PDE8B: variants seen among roughly 807,000 people sequenced by gnomAD.
The protein encoded by PDE8B is phosphodiesterase 8B.
PDE8B carries 26 observed loss-of-function variants against 101.3 expected under a neutral mutation model. The ratio of observed to expected loss-of-function variants is 0.26; its 90% CI spans 0.19 to 0.36. The LOEUF (loss-of-function observed/expected upper bound fraction) is 0.36. Among genes scored for constraint, PDE8B ranks in the 10% least tolerant of loss-of-function variants. The pLI, the probability that PDE8B is intolerant of heterozygous loss-of-function variation, is 1.00. For synonymous variants in PDE8B, 424 were observed against 429.3 expected (o/e 0.99, Z 0.15); for missense variants, 810 against 1,163.1 (o/e 0.70, Z 4.42).
intron 1 of PDE8B, among the ~76,000 whole-genome samples, chr5:77,268,359 C>A (rs1043190050): frequency 5.3e-5 from 8 of 152,012 alleles, no homozygotes; most frequent in Non-Finnish European, 1.2e-4. Context: ...TCACAAACAA[C>A]CCAATTATGT....
At chr5:77,109,504 T>C in the PDE8B span, among the ~76,000 whole-genome samples, 2 of 152,210 alleles carry the variant, frequency 1.3e-5, no homozygotes, top group Non-Finnish European at 2.9e-5. Flanking sequence ...GGCTATGGGA[T>C]CTTTACTAAG....
chr5:77,253,953 A>G (rs1157218688), intron 1 of PDE8B, among the ~76,000 whole-genome samples: 1 of 151,868 alleles, frequency 6.6e-6, no homozygotes, highest in Non-Finnish European at 1.5e-5. Flanking sequence ...TTTATTGAGT[A>G]TTTATAGTTA....
chr5:77,334,072 ATG>A, intron 5 of PDE8B, among the ~76,000 whole-genome samples: 1 of 152,360 alleles, frequency 6.6e-6, no homozygotes, highest in East Asian at 1.9e-4. Flanking sequence ...ACTGATCTTC[ATG>A]TGGTGGTTCT....
At chr5:77,112,575 C>A in the PDE8B span, 1 of 152,004 alleles carries the variant, frequency 6.6e-6, no homozygotes, top group East Asian at 1.9e-4. Context: ...TGATACTGAA[C>A]GGGCAAAAAC....
chr5:77,404,640 T>A (rs1203179689), intron 11 of PDE8B, 80 bp from the exon 12 acceptor site: 15 of 865,966 alleles, frequency 1.7e-5, no homozygotes, highest in Admixed American at 5.3e-5. Context: ...CTTTAGAGAA[T>A]AAAGAAAAAA....
chr5:77,416,747 C>T lies in PDE8B; in HGVS notation c.1912-1482C>T, dbSNP rs547086676. Among the ~76,000 whole-genome samples the T allele has an allele frequency of 2.0e-5, 3 of 152,230 alleles. No individual in the cohort carries two copies. The East Asian group carries it at 5.8e-4, about 29-fold the overall frequency. The stretch of plus-strand genomic sequence containing the variant: ...TGCAGCCCCTTGGCCATCAGGGTGC[C>T]GTTGCAGGACAGGGCTGAGCTACAG... On this transcript the variant is annotated intron_variant, in intron 17 of 21. Transcript: ENST00000264917.
chr5:77,382,765 C>T (rs1787742811), intron 10 of PDE8B, among the ~76,000 whole-genome samples: 1 of 152,142 alleles, frequency 6.6e-6, no homozygotes, highest in Non-Finnish European at 1.5e-5. Context: ...GACATGAACT[C>T]ATCCTTTTTT....
At position 77,421,893 on chromosome 5, in the gene PDE8B, A is replaced by G. The variant is rs1796728332; in HGVS notation, c.2323A>G (p.Met775Val). ...FPENQILIKR[M>V]MIKCADVANP... ...TGAAAACCAAATCCTGATCAAACGC[A>G]TGATGATTAAGTGTGCTGACGTGGC... Residue 775 changes from methionine (M) to valine (V), a missense_variant, in exon 20 of 22, where the codon ATG (methionine) becomes GTG (valine). This residue lies in a region of PDE8B where 325 missense variants were observed against 560.9 expected (regional missense o/e 0.58). Transcript: ENST00000264917. The G allele has an allele frequency of 6.2e-7, 1 of 1,614,148 alleles. No individual in the cohort carries two copies. Among genetic ancestry groups the G allele is most frequent in the Non-Finnish European group, 8.5e-7 (1 of 1,179,998 alleles).
At chr5:77,137,478 G>A in the PDE8B span, among the ~76,000 whole-genome samples, 1 of 152,320 alleles carries the variant, frequency 6.6e-6, no homozygotes, top group Non-Finnish European at 1.5e-5. Context: ...GAGATGCTCT[G>A]GCCAAGGCAG....
intron 1 of PDE8B, among the ~76,000 whole-genome samples, chr5:77,265,170 T>C (rs1442388271): frequency 6.6e-6 from 1 of 152,188 alleles, no homozygotes; most frequent in Non-Finnish European, 1.5e-5. Flanking sequence ...GGTACTCTTA[T>C]GGGATGGTTG....
At chr5:77,291,032 C>T in intron 1 of PDE8B, 3 of 1,611,880 alleles carry the variant, frequency 1.9e-6, no homozygotes, top group Admixed American at 3.3e-5. Context: ...AACAGATGGC[C>T]CTGATGGTGC....
chr5:77,384,563 G>T (rs1258290479), intron 10 of PDE8B, among the ~76,000 whole-genome samples: 2 of 152,176 alleles, frequency 1.3e-5, no homozygotes, highest in Non-Finnish European at 2.9e-5. Flanking sequence ...TTTTCAAAGG[G>T]AATGCTTTCA....
the PDE8B span, among the ~76,000 whole-genome samples, chr5:77,123,513 T>G: frequency 6.6e-6 from 1 of 152,124 alleles, no homozygotes; most frequent in Non-Finnish European, 1.5e-5. Flanking sequence ...ATCCCAGCAC[T>G]TTGGGAGGCT....
chr5:77,208,265 A>C (rs556512682), upstream of PDE8B, among the ~76,000 whole-genome samples: 8 of 152,108 alleles, frequency 5.3e-5, no homozygotes, highest in African/African-American at 1.9e-4. Context: ...GGGTGGTTTC[A>C]TTGCATTCCT....
intron 1 of PDE8B, among the ~76,000 whole-genome samples, chr5:77,246,498 A>C (rs1756974015): frequency 6.6e-6 from 1 of 152,226 alleles, no homozygotes; most frequent in Admixed American, 6.5e-5. Context: ...AGGGATTTAC[A>C]TTTTTAAATG....
At chr5:77,150,476 T>C in the PDE8B span, among the ~76,000 whole-genome samples, 1 of 152,210 alleles carries the variant, frequency 6.6e-6, no homozygotes, top group African/African-American at 2.4e-5. Flanking sequence ...CTCTAAATGA[T>C]CTGCACCCAA....
intron 2 of PDE8B, among the ~76,000 whole-genome samples, chr5:77,314,573 A>G (rs1773379579): frequency 6.6e-6 from 1 of 152,040 alleles, no homozygotes; most frequent in South Asian, 2.1e-4. Context: ...AGCTTGCTGA[A>G]CTCATGTATT....
chr5:77,232,650 C>T (rs1488634033), intron 1 of PDE8B, among the ~76,000 whole-genome samples: 1 of 152,156 alleles, frequency 6.6e-6, no homozygotes, highest in Non-Finnish European at 1.5e-5. Context: ...GACCTGTTTT[C>T]TGTGTCATCA....
intron 1 of PDE8B, chr5:77,290,520 A>G: frequency 6.8e-7 from 1 of 1,473,076 alleles, no homozygotes; most frequent in South Asian, 1.1e-5. Context: ...ACGAGGAGAA[A>G]TAGTAAGACA....
Sources: gnomAD v4.1 joint callset for allele counts (sites outside exome capture counted in the v4.1 genomes callset) on GRCh38, gnomAD v4.1.1 for gene constraint, gnomAD v4.1.1 regional missense constraint, MANE v1.5 for transcripts, NCBI Gene and HGNC (gene_info 2026-07-23, HGNC 2026-07-21) for gene names.